Variants in ZC3H13 observed in about 807,000 individuals in gnomAD.
ZC3H13 encodes the protein zinc finger CCCH-type containing 13, also known as zinc finger CCCH domain-containing protein 13.
A neutral mutation model predicts 204.1 loss-of-function variants in ZC3H13; 64 were observed. The observed-to-expected ratio is 0.31, with a 90% CI of 0.26 to 0.39. The LOEUF (loss-of-function observed/expected upper bound fraction) is 0.39. Ranked by LOEUF, ZC3H13 falls within the 10% of genes least tolerant of loss-of-function variation. The pLI is 1.00. For missense variants in ZC3H13, 1,833 were observed against 2,082.7 expected (o/e 0.88, Z 2.33); for synonymous variants, 667 against 693.7 (o/e 0.96, Z 0.60).
chr13:45,983,430 T>A (rs1485357504), intron 10 of ZC3H13, among the ~76,000 whole-genome samples: 4 of 76,790 alleles, frequency 5.2e-5, no homozygotes, highest in South Asian at 4.0e-4. Context: ...TTTTTTTTTT[T>A]TTTTTTTTTT....
In ZC3H13 at chr13:45,969,086, T is replaced by C. The variant is rs767439744; in HGVS notation, c.3458A>G (p.Asn1153Ser). 33 of 1,614,072 alleles carry C rather than the reference T, an allele frequency of 2.0e-5. No homozygotes were observed. Among genetic ancestry groups the C allele is most frequent in the African/African-American group, 4.0e-5 (3 of 74,922 alleles). Residue 1153 changes from asparagine (N) to serine (S), a missense_variant, in exon 14 of 19, where the codon AAT (asparagine) becomes AGT (serine). By Grantham distance (46) the Asn-to-Ser change is conservative. Around this residue, in one of 5 missense-constraint regions of ZC3H13, gnomAD observed 1,574 missense variants for 1,757.2 expected, o/e 0.90. Transcript: ENST00000679008. Reference protein sequence around the residue: ...PTNTTNNTFANEDSHRKCHRT... With the variant: ...PTNTTNNTFASEDSHRKCHRT... ...GTGGCATTTTCTGTGTGAGTCTTCA[T>C]TGGCAAAAGTATTATTGGTGGTATT...
chr13:46,009,624 A>C (rs2041402659), intron 7 of ZC3H13, among the ~76,000 whole-genome samples: 1 of 152,022 alleles, frequency 6.6e-6, no homozygotes, highest in Non-Finnish European at 1.5e-5. Context: ...TTTAAGATAA[A>C]ATTAGGGTAT....
chr13:46,043,433 T>C (rs935609712), intron 3 of ZC3H13, among the ~76,000 whole-genome samples: 1 of 151,950 alleles, frequency 6.6e-6, no homozygotes, highest in African/African-American at 2.4e-5. Flanking sequence ...CTCTAAATTA[T>C]AATGATGTAC....
At chr13:45,985,071 G>C (rs1012447791) in intron 10 of ZC3H13, among the ~76,000 whole-genome samples, 1 of 152,090 alleles carries the variant, frequency 6.6e-6, no homozygotes, top group Non-Finnish European at 1.5e-5. Flanking sequence ...AAGATGATAG[G>C]CATGACTGGA....
intron 4 of ZC3H13, among the ~76,000 whole-genome samples, chr13:46,022,257 G>A (rs1396164122): frequency 1.3e-5 from 2 of 151,816 alleles, no homozygotes; most frequent in Admixed American, 1.3e-4. Flanking sequence ...AGGTACTAGA[G>A]ACTGAATGCA....
At chr13:46,050,583 T>G (rs2044333701) in intron 1 of ZC3H13, among the ~76,000 whole-genome samples, 1 of 152,182 alleles carries the variant, frequency 6.6e-6, no homozygotes, top group Non-Finnish European at 1.5e-5. Flanking sequence ...ATACTAAAAA[T>G]AAGGTATCTT....
intron 17 of ZC3H13, chr13:45,963,248 C>G (rs1951820839): frequency 1.0e-6 from 1 of 985,478 alleles, no homozygotes; most frequent in Non-Finnish European, 1.2e-6. Flanking sequence ...CTCTTAATCA[C>G]TTTGTTAAAG....
chr13:45,971,107 C>T lies in ZC3H13; in HGVS notation c.2469-642G>A, dbSNP rs1952546980. 1.3e-5 allele frequency among the ~76,000 whole-genome samples: 2 copies of T among 152,142 alleles called. 1 individual carries two copies. Among genetic ancestry groups the T allele is most frequent in the South Asian group, 4.1e-4 (2 of 4,830 alleles). Reference sequence around the variant, plus strand: ...ACACCATAAAATTAGTTCCTTTCCCCTTCATGGAAATCACTTTCTTGCTGA... The same window carrying T: ...ACACCATAAAATTAGTTCCTTTCCCTTTCATGGAAATCACTTTCTTGCTGA... On this transcript the variant is annotated intron_variant, in intron 12 of 18. Coordinates refer to ENST00000679008, the MANE Select transcript of ZC3H13 (RefSeq NM_001330564.2).
chr13:45,965,164 T>C (rs761444959), intron 16 of ZC3H13, 116 bp downstream of exon 16: 25 of 1,317,698 alleles, frequency 1.9e-5, no homozygotes, highest in Admixed American at 8.2e-5. Flanking sequence ...TTAAGTAAAA[T>C]GTAAAAGGAA....
intron 10 of ZC3H13, among the ~76,000 whole-genome samples, chr13:45,981,150 T>C (rs1442192071): frequency 6.6e-6 from 1 of 152,196 alleles, no homozygotes; most frequent in East Asian, 1.9e-4. Flanking sequence ...GCTGTGATAA[T>C]TTAGGAATAT....
intron 11 of ZC3H13, among the ~76,000 whole-genome samples, chr13:45,978,647 AACTAACC>A: frequency 6.6e-6 from 1 of 152,214 alleles, no homozygotes; most frequent in Non-Finnish European, 1.5e-5. Flanking sequence ...CATGTGGTTG[AACTAACC>A]ATAAGATTGA....
At chr13:46,044,838 T>C in intron 3 of ZC3H13, 117 bp downstream of exon 3, 3 of 560,586 alleles carry the variant, frequency 5.4e-6, no homozygotes, top group Non-Finnish European at 8.8e-6. Flanking sequence ...CTGGTAAGAC[T>C]ACCACCAATA....
chr13:45,987,395 TA>T (rs2039621598), intron 9 of ZC3H13, among the ~76,000 whole-genome samples: 1 of 152,338 alleles, frequency 6.6e-6, no homozygotes, highest in East Asian at 1.9e-4. Context: ...AAGTAGTCAT[TA>T]AATATGTACT....
intron 1 of ZC3H13, among the ~76,000 whole-genome samples, chr13:46,047,640 T>C (rs1018304559): frequency 2.6e-5 from 4 of 152,048 alleles, no homozygotes; most frequent in Admixed American, 6.5e-5. Flanking sequence ...CTGAGAAAGA[T>C]CTAGAAAATG....
intron 1 of ZC3H13, among the ~76,000 whole-genome samples, chr13:46,051,582 A>AT (rs1174981605): frequency 6.6e-6 from 1 of 152,236 alleles, no homozygotes; most frequent in Non-Finnish European, 1.5e-5. Flanking sequence ...ACTGAACTGC[A>AT]TAAGTATTTA....
At chr13:45,982,393 T>C (rs1256117275) in intron 10 of ZC3H13, among the ~76,000 whole-genome samples, 2 of 152,006 alleles carry the variant, frequency 1.3e-5, no homozygotes, top group Non-Finnish European at 2.9e-5. Flanking sequence ...CCTGAGAATA[T>C]GACCTAGAGG....
intron 8 of ZC3H13, 38 bp from the exon 9 acceptor site, chr13:45,989,135 A>G (rs775798153): frequency 1.9e-6 from 3 of 1,570,192 alleles, no homozygotes; most frequent in Non-Finnish European, 2.6e-6. Context: ...CATGTATTCA[A>G]GAGCTTCATT....
chr13:46,024,680 C>T (rs567547067), intron 4 of ZC3H13, among the ~76,000 whole-genome samples: 3 of 151,546 alleles, frequency 2.0e-5, no homozygotes, highest in Admixed American at 6.6e-5. Flanking sequence ...TCATCAATTA[C>T]GGAAAATTCT....
intron 11 of ZC3H13, among the ~76,000 whole-genome samples, chr13:45,979,153 C>T (rs990949925): frequency 6.6e-6 from 1 of 151,992 alleles, no homozygotes; most frequent in African/African-American, 2.4e-5. Flanking sequence ...TTTAAAGGCC[C>T]TAATAAGTAC....
Sources: gnomAD v4.1 joint callset for allele counts (sites outside exome capture counted in the v4.1 genomes callset) on GRCh38, gnomAD v4.1.1 for gene constraint, gnomAD v4.1.1 regional missense constraint, MANE v1.5 for transcripts, NCBI Gene and HGNC (gene_info 2026-07-23, HGNC 2026-07-21) for gene names.